The following TMEM255B variants were observed in gnomAD, a reference collection of about 807,000 sequenced individuals.
TMEM255B encodes the protein family with sequence similarity 70, member B.
TMEM255B carries 35 observed loss-of-function variants against 34.5 expected under a neutral mutation model. The observed-to-expected ratio is 1.01, with a 90% CI of 0.77 to 1.34. TMEM255B has a LOEUF of 1.34. TMEM255B is among the 40% of genes most tolerant of loss of function. The pLI is 0.00. For synonymous variants in TMEM255B, 206 were observed against 201.2 expected, an observed-to-expected ratio of 1.02 and a Z score of -0.20; for missense variants, 432 against 433.2, an observed-to-expected ratio of 1.00 and a Z score of 0.02.
At chr13:113,792,999 C>A (rs899205380) in intron 3 of TMEM255B, among the ~76,000 whole-genome samples, 1 of 152,238 alleles carries the variant, frequency 6.6e-6, no homozygotes, top group African/African-American at 2.4e-5. Flanking sequence ...AGTCAGTGAA[C>A]CCAGCACCTC....
intron 7 of TMEM255B, among the ~76,000 whole-genome samples, chr13:113,802,420 G>A (rs1451816047): frequency 1.3e-5 from 2 of 152,100 alleles, no homozygotes; most frequent in Non-Finnish European, 2.9e-5. Context: ...AGCAAACCCC[G>A]CCCCCTGAAC....
Position 113,801,727 on chromosome 13 carries a change from T to A in TMEM255B, c.584T>A (p.Leu195Gln). The A allele has an allele frequency of 6.2e-7, 1 of 1,613,190 alleles. No homozygotes were observed. The highest frequency in any genetic ancestry group is 2.2e-5 in the East Asian group (1 of 44,870). The change falls in exon 7 of 9, where the codon CTG becomes CAG. Residue 195 changes from leucine (L) to glutamine (Q), a missense_variant. Leu to Gln is a moderately radical substitution (Grantham distance 113). Transcript: ENST00000375353. The part of the protein sequence containing the change: ...GCQDVLHLYR[L>Q]LWASAVLNVL... ...CAGGACGTGCTGCACCTGTACCGCC[T>A]GCTCTGGGCCTCTGCAGTTCTGAAC...
At chr13:113,807,759 C>G (rs1301841848) in intron 8 of TMEM255B, among the ~76,000 whole-genome samples, 5 of 141,498 alleles carry the variant, frequency 3.5e-5, no homozygotes, top group Non-Finnish European at 7.7e-5. Flanking sequence ...GTAGTCCTCC[C>G]CGTCACACGC....
At position 113,800,526 on chromosome 13, in the gene TMEM255B, T is replaced by C. The variant is rs552059545; in HGVS notation, c.424-301T>C. Among the ~76,000 whole-genome samples the C allele has an allele frequency of 3.4e-3, 521 of 152,222 alleles. 1 individual carries two copies. The highest frequency in any genetic ancestry group is 0.012 in the African/African-American group (495 of 41,528). ...GAAGGCCTCCTGGGCTCTGTCCTTCTGCCCACGCACCCTGATATTTCCCTC... is the reference window on the plus strand; with the variant it reads ...GAAGGCCTCCTGGGCTCTGTCCTTCCGCCCACGCACCCTGATATTTCCCTC... On this transcript the variant is annotated intron_variant, in intron 5 of 8. Transcript: ENST00000375353.
chr13:113,807,170 A>T (rs1432204369), intron 8 of TMEM255B, among the ~76,000 whole-genome samples: 1 of 152,168 alleles, frequency 6.6e-6, no homozygotes, highest in African/African-American at 2.4e-5. Context: ...CCTTGGAGAC[A>T]GTGAGGCTTT....
At chr13:113,764,784 A>G (rs1040314046) in intron 1 of TMEM255B, among the ~76,000 whole-genome samples, 1 of 152,176 alleles carries the variant, frequency 6.6e-6, no homozygotes, top group Admixed American at 6.5e-5. Flanking sequence ...CTATGCAGCA[A>G]CATGTAAGAG....
chr13:113,790,282 A>G (rs1265169483), intron 3 of TMEM255B, among the ~76,000 whole-genome samples: 1 of 118,990 alleles, frequency 8.4e-6, no homozygotes. Context: ...AGACACGTGG[A>G]CATCCTAGCA....
intron 3 of TMEM255B, among the ~76,000 whole-genome samples, chr13:113,777,979 G>A (rs889730572): frequency 1.3e-5 from 2 of 152,224 alleles, no homozygotes; most frequent in Non-Finnish European, 2.9e-5. Context: ...ACCGGTCAGG[G>A]CTGGCCAGGG....
Position 113,804,878 on chromosome 13 carries a change from A to G in TMEM255B, c.670-7A>G. 1 of 1,596,626 alleles carries G rather than the reference A, an allele frequency of 6.3e-7. No homozygotes were observed. The highest frequency in any genetic ancestry group is 8.5e-7 in the Non-Finnish European group (1 of 1,177,408). On this transcript the variant is annotated splice_polypyrimidine_tract_variant and splice_region_variant and intron_variant, in intron 7 of 8. Coordinates refer to ENST00000375353, the MANE Select transcript of TMEM255B (RefSeq NM_182614.4). Reference sequence around the variant, plus strand: ...CACGCCGACCACCCGTCTCCTCTCCATGGCAGGTGCCTCTGTCCCAGCTGG... The same window carrying G: ...CACGCCGACCACCCGTCTCCTCTCCGTGGCAGGTGCCTCTGTCCCAGCTGG...
chr13:113,774,881 C>T (rs544686539), intron 3 of TMEM255B, among the ~76,000 whole-genome samples: 1 of 146,200 alleles, frequency 6.8e-6, no homozygotes, highest in African/African-American at 2.5e-5. Flanking sequence ...CAACGCACAC[C>T]ACACACAAGA....
rs756154004 is a variant in TMEM255B, at chr13:113,795,237, T to C, written c.342T>C (p.Ile114=). The C allele has an allele frequency of 1.2e-6, 2 of 1,613,374 alleles. No individual in the cohort carries two copies. Among genetic ancestry groups the C allele is most frequent in the African/African-American group, 1.3e-5 (1 of 75,044 alleles). ...ACGGCGTATTTGCAGCACAGCACAT[T>C]GTGAGTACATTGTCATTGTGTGCAC... is the stretch of plus-strand genomic sequence containing the variant. ...IVDGVFAAQH[I]EPRPLTTGRC... Residue 114 remains isoleucine, a splice_region_variant and synonymous_variant, in exon 4 of 9, where the codon ATT becomes ATC. Coordinates refer to ENST00000375353, the MANE Select transcript of TMEM255B (RefSeq NM_182614.4).
intron 1 of TMEM255B, among the ~76,000 whole-genome samples, chr13:113,762,723 C>T (rs1040791716): frequency 2.6e-5 from 4 of 152,198 alleles, no homozygotes; most frequent in Non-Finnish European, 5.9e-5. Context: ...GCAGAGCTTC[C>T]AGCTTTAAGA....
chr13:113,794,612 G>A (rs1302676804), intron 3 of TMEM255B, among the ~76,000 whole-genome samples: 2 of 152,100 alleles, frequency 1.3e-5, no homozygotes, highest in Non-Finnish European at 2.9e-5. Flanking sequence ...TAGGGTTAGG[G>A]CAGGACACCC....
chr13:113,760,272 T>G (rs2050280090), intron 1 of TMEM255B, among the ~76,000 whole-genome samples: 1 of 152,246 alleles, frequency 6.6e-6, no homozygotes, highest in Non-Finnish European at 1.5e-5. Context: ...AAGAAACCAC[T>G]ATATGCCTTC....
At chr13:113,811,707 T>C in intron 8 of TMEM255B, 29 bp from the exon 9 acceptor site, 1 of 1,612,418 alleles carries the variant, frequency 6.2e-7, no homozygotes, top group Non-Finnish European at 8.5e-7. Context: ...TCTCACCTGC[T>C]AACCCAGGGC....
At position 113,759,278 on chromosome 13, in the gene TMEM255B, G is replaced by A. The variant is rs1249505393; in HGVS notation, c.9G>A (p.Pro3=). The A allele has an allele frequency of 8.1e-7, 1 of 1,228,824 alleles. No individual in the cohort carries two copies. Among genetic ancestry groups the A allele is most frequent in the Non-Finnish European group, 1.0e-6 (1 of 986,094 alleles). 76.1% of individuals were successfully genotyped at this position (1,228,824 alleles called of 1,614,324 possible). The change falls in exon 1 of 9, where the codon CCG becomes CCA. Residue 3 remains proline, a synonymous_variant. Coordinates refer to ENST00000375353, the MANE Select transcript of TMEM255B (RefSeq NM_182614.4). The part of the protein sequence containing the change: MQ[P]PVPGPLGLLD... ...CCGGGTGGGGCCTCGGGATGCAGCC[G>A]CCGGTGCCCGGGCCCCTGGGCCTGC...
chr13:113,776,888 C>A lies in TMEM255B; in HGVS notation c.252+7728C>A, dbSNP rs116733609. 6.0e-3 allele frequency among the ~76,000 whole-genome samples: 914 copies of A among 152,246 alleles called. 4 individuals carry two copies. Among genetic ancestry groups the A allele is most frequent in the African/African-American group, 0.021 (853 of 41,544 alleles). ...TACACCCCATGCTGAGCATCCCTGA[C>A]GCCCACCCACAGGTCCCAGGAGCCA... On this transcript the variant is annotated intron_variant, in intron 3 of 8. Transcript: ENST00000375353.
chr13:113,762,517 TAGACTC>T, intron 1 of TMEM255B, among the ~76,000 whole-genome samples: 1 of 152,312 alleles, frequency 6.6e-6, no homozygotes, highest in Non-Finnish European at 1.5e-5. Context: ...GGGGGGAAGT[TAGACTC>T]AGGAAAGAGG....
intron 7 of TMEM255B, among the ~76,000 whole-genome samples, chr13:113,803,968 C>T (rs959092376): frequency 1.1e-4 from 16 of 152,164 alleles, no homozygotes; most frequent in South Asian, 2.1e-4. Context: ...CCCCTCGCAG[C>T]GGCTCTGGCC....
Sources: allele counts gnomAD v4.1 joint callset (sites outside exome capture counted in the v4.1 genomes callset), GRCh38; gene constraint gnomAD v4.1.1; transcripts MANE v1.5; gene names NCBI Gene and HGNC (gene_info 2026-07-23, HGNC 2026-07-21).